Variants in FAM222A observed in about 807,000 individuals in gnomAD.
FAM222A encodes protein FAM222A.
FAM222A carries 7 observed loss-of-function variants against 25.8 expected under a neutral mutation model. That is an observed-to-expected ratio of 0.27 (90% CI 0.15 to 0.51). The LOEUF (loss-of-function observed/expected upper bound fraction) is 0.51, where lower values mean the gene tolerates loss of function less well. Among genes scored for constraint, FAM222A ranks in the 20% least tolerant of loss-of-function variants. The pLI, the probability that FAM222A is intolerant of heterozygous loss-of-function variation, is 0.97. For missense variants in FAM222A, 573 were observed against 640.5 expected (o/e 0.89, Z 1.14); for synonymous variants, 294 against 298.8 (o/e 0.98, Z 0.17).
intron 2 of FAM222A, among the ~76,000 whole-genome samples, chr12:109,764,181 G>A (rs912169500): frequency 1.1e-4 from 15 of 132,084 alleles, no homozygotes; most frequent in African/African-American, 4.0e-4. Flanking sequence ...AGTGAGCTAC[G>A]ACTGTGCCAC....
chr12:109,743,246 A>G (rs1010074635), intron 1 of FAM222A, among the ~76,000 whole-genome samples: 1 of 152,142 alleles, frequency 6.6e-6, no homozygotes, highest in Non-Finnish European at 1.5e-5. Context: ...CCTGCCAGTC[A>G]GGGGCTTTGG....
At chr12:109,721,770 C>T (rs912436309) in intron 1 of FAM222A, among the ~76,000 whole-genome samples, 20 of 152,156 alleles carry the variant, frequency 1.3e-4, no homozygotes, top group African/African-American at 4.3e-4. Context: ...ATGCAGATTC[C>T]GAGCACTGAC....
intron 1 of FAM222A, among the ~76,000 whole-genome samples, chr12:109,743,376 G>A (rs1264525873): frequency 1.3e-5 from 2 of 152,218 alleles, no homozygotes; most frequent in East Asian, 1.9e-4. Flanking sequence ...GGTACCACAC[G>A]GGCCTGTGTG....
intron 2 of FAM222A, among the ~76,000 whole-genome samples, chr12:109,750,953 G>A (rs956768161): frequency 2.0e-5 from 3 of 151,974 alleles, no homozygotes; most frequent in African/African-American, 7.3e-5. Flanking sequence ...ACAAGGATGT[G>A]TCTTGGAGTT....
intron 1 of FAM222A, chr12:109,734,937 A>G (rs915672292): frequency 1.6e-4 from 25 of 152,472 alleles, no homozygotes; most frequent in African/African-American, 6.0e-4. Flanking sequence ...GATTTAAATA[A>G]AACAAACATT....
rs762580746 is a variant in FAM222A, at chr12:109,768,459, C to T, written c.530C>T (p.Thr177Ile). ...CCACCCGGCCTGCCCGCAGCCGCCA[C>T]TGCCGCCTCCGTCATCCCCCTGCCG... ...APPPGLPAAA[T>I]AASVIPLPGR... The change falls in exon 3 of 3, where the codon ACT becomes ATT. Residue 177 changes from threonine to isoleucine, a missense_variant. Physicochemically the swap from Thr to Ile is moderately conservative, Grantham distance 89. Around this residue, in one of 3 missense-constraint regions of FAM222A, gnomAD observed 412 missense variants for 407.0 expected, o/e 1.01. Coordinates refer to ENST00000538780, the MANE Select transcript of FAM222A (RefSeq NM_032829.3). 3.1e-6 allele frequency: 5 copies of T among 1,602,120 alleles called. No individual in the cohort carries two copies. In the South Asian group the frequency reaches 4.4e-5, roughly 14 times the overall value.
At chr12:109,741,584 G>A (rs779333938) in intron 1 of FAM222A, among the ~76,000 whole-genome samples, 5 of 152,226 alleles carry the variant, frequency 3.3e-5, no homozygotes, top group Non-Finnish European at 7.3e-5. Context: ...TGCAAAGCAT[G>A]TGGGATGTAT....
At chr12:109,767,956 G>T (rs1592803693) in intron 2 of FAM222A, 56 bp from the exon 3 acceptor site, 1 of 1,550,600 alleles carries the variant, frequency 6.4e-7, no homozygotes, top group East Asian at 2.3e-5. Flanking sequence ...TGAGCCCTGT[G>T]GGGAGAGGTT....
In FAM222A at chr12:109,769,372, GGCGCTCAGC is replaced by G. The variant is rs1889176891; in HGVS notation, c.*85_*93del. The G allele has an allele frequency of 6.9e-7, 1 of 1,453,778 alleles. No individual in the cohort carries two copies. Among genetic ancestry groups the G allele is most frequent in the Admixed American group, 2.2e-5 (1 of 44,782 alleles). 90.1% of individuals were successfully genotyped at this position (1,453,778 alleles called of 1,614,324 possible). A position where few individuals can be genotyped will look rare whatever the true frequency, so the allele number is the denominator to read the frequency against. Reference sequence around the variant, plus strand: ...CAGAACAGGGTGGGCGGCTCGCAGGGGCGCTCAGCCCCACCCTGTGCCTGCTGATGCCCA... The same window carrying G: ...CAGAACAGGGTGGGCGGCTCGCAGGGCCCACCCTGTGCCTGCTGATGCCCA... On this transcript the variant is annotated 3_prime_UTR_variant, in exon 3 of 3. Coordinates refer to ENST00000538780, the MANE Select transcript of FAM222A (RefSeq NM_032829.3).
At chr12:109,753,154 C>T (rs1366174591) in intron 2 of FAM222A, among the ~76,000 whole-genome samples, 3 of 152,132 alleles carry the variant, frequency 2.0e-5, no homozygotes, top group African/African-American at 4.8e-5. Context: ...ACCGTGGGGG[C>T]CTGTGGCGAG....
chr12:109,743,824 C>G (rs921782152), intron 1 of FAM222A: 1 of 984,554 alleles, frequency 1.0e-6, no homozygotes, highest in Non-Finnish European at 1.2e-6. Flanking sequence ...GGCCCCAGAG[C>G]AGATGACCCA....
intron 1 of FAM222A, among the ~76,000 whole-genome samples, chr12:109,725,957 C>T (rs1369415001): frequency 1.3e-5 from 2 of 151,870 alleles, no homozygotes; most frequent in Admixed American, 6.6e-5. Flanking sequence ...CATTTGGCCG[C>T]CCTGAGCTGG....
chr12:109,723,645 T>C (rs1170633274), intron 1 of FAM222A, among the ~76,000 whole-genome samples: 1 of 152,222 alleles, frequency 6.6e-6, no homozygotes, highest in Non-Finnish European at 1.5e-5. Flanking sequence ...GCTGCCTGGC[T>C]GTGCTCCCAC....
At chr12:109,729,838 C>T (rs111772523) in intron 1 of FAM222A, among the ~76,000 whole-genome samples, 2,144 of 150,218 alleles carry the variant, frequency 0.014, 55 homozygotes, top group African/African-American at 0.052. Flanking sequence ...TTAATAAACA[C>T]ATACAATTCA....
Position 109,764,694 on chromosome 12 carries a change from G to A in FAM222A, c.83-3318G>A, listed in dbSNP as rs554150180. On this transcript the variant is annotated intron_variant, in intron 2 of 2. Transcript: ENST00000538780. ...TAGGTTACCACAGTTAATTTCACCA[G>A]TTTTGTTCATCTGTAAAATTGCATA... Among the ~76,000 whole-genome samples the A allele has an allele frequency of 5.3e-5, 8 of 152,282 alleles. No homozygotes were observed. The East Asian group carries it at 1.3e-3, about 26-fold the overall frequency.
At chr12:109,748,044 G>GTATCCA (rs1888451448) in intron 2 of FAM222A, among the ~76,000 whole-genome samples, 2 of 152,182 alleles carry the variant, frequency 1.3e-5, no homozygotes, top group South Asian at 4.1e-4. Flanking sequence ...GGTTAAGTAA[G>GTATCCA]TATCCATCTA....
At chr12:109,751,932 A>T (rs1046353094) in intron 2 of FAM222A, among the ~76,000 whole-genome samples, 2 of 151,940 alleles carry the variant, frequency 1.3e-5, no homozygotes, top group Admixed American at 6.6e-5. Flanking sequence ...CTGCAGGAAT[A>T]AAAAAAATGG....
chr12:109,769,480 C>G lies in FAM222A; in HGVS notation c.*192C>G. ...GCAGGGCAACCTCACATACCAAGGC[C>G]CCTCCCCACCATCGGTTGCCCCAGG... On this transcript the variant is annotated 3_prime_UTR_variant, in exon 3 of 3. Transcript: ENST00000538780. The G allele has an allele frequency of 4.5e-6, 3 of 663,896 alleles. No homozygotes were observed. Among genetic ancestry groups the G allele is most frequent in the Non-Finnish European group, 7.6e-6 (3 of 397,256 alleles). The allele number at this position is 663,896 out of a possible 1,614,324, so 41.1% of individuals were successfully genotyped here.
chr12:109,759,574 A>G (rs953985997), intron 2 of FAM222A, among the ~76,000 whole-genome samples: 4 of 152,262 alleles, frequency 2.6e-5, no homozygotes, highest in Non-Finnish European at 5.9e-5. Flanking sequence ...TAAAAGGCCC[A>G]TAACATTAAC....
Sources: gnomAD v4.1 joint callset for allele counts (sites outside exome capture counted in the v4.1 genomes callset) on GRCh38, gnomAD v4.1.1 for gene constraint, gnomAD v4.1.1 regional missense constraint, MANE v1.5 for transcripts, NCBI Gene and HGNC (gene_info 2026-07-23, HGNC 2026-07-21) for gene names.